Variants in TBK1 observed in about 807,000 individuals in gnomAD.
TBK1 encodes serine/threonine-protein kinase TBK1.
TBK1 carries 37 observed loss-of-function variants against 99.9 expected under a neutral mutation model. The ratio of observed to expected loss-of-function variants is 0.37; its 90% CI spans 0.28 to 0.49. The LOEUF is 0.49. Among genes scored for constraint, TBK1 ranks in the 20% least tolerant of loss-of-function variants. The pLI, the probability that TBK1 is intolerant of heterozygous loss-of-function variation, is 0.98. For missense variants in TBK1, 644 were observed against 872.5 expected (o/e 0.74, Z 3.30); for synonymous variants, 258 against 279.8 (o/e 0.92, Z 0.78).
chr12:64,489,654 C>T (rs564746397), intron 12 of TBK1, among the ~76,000 whole-genome samples: 53 of 151,050 alleles, frequency 3.5e-4, no homozygotes, highest in Non-Finnish European at 6.8e-4. Flanking sequence ...CTGCAACCTC[C>T]GCCTCCCAGG....
intron 11 of TBK1, 74 bp from the exon 12 acceptor site, chr12:64,488,413 C>CA: frequency 1.3e-6 from 1 of 769,970 alleles, no homozygotes; most frequent in Non-Finnish European, 2.1e-6. Context: ...AACTGTAGTA[C>CA]TGCAGTATAA....
At chr12:64,474,413 A>G in intron 6 of TBK1, 23 bp downstream of exon 6, 1 of 1,590,132 alleles carries the variant, frequency 6.3e-7, no homozygotes. Context: ...CCGATCTAAA[A>G]TCAGAGAAGC....
At chr12:64,471,170 TTTG>T (rs548911259) in intron 5 of TBK1, among the ~76,000 whole-genome samples, 176 of 152,202 alleles carry the variant, frequency 1.2e-3, no homozygotes, top group African/African-American at 3.4e-3. Context: ...GTTTTTTGTT[TTTG>T]TTGTTGTTGT....
rs908416438 is a variant in TBK1 at position 64,485,808 on chromosome 12, T to G, written c.1249-118T>G. On this transcript the variant is annotated intron_variant, in intron 10 of 20. Coordinates refer to ENST00000331710, the MANE Select transcript of TBK1 (RefSeq NM_013254.4). ...TTTTTAACTCTTAGAAATTGGTGGT[T>G]TATTGTGTTTTTAATTAACCTGATA... 84 of 621,094 alleles carry G rather than the reference T, an allele frequency of 1.4e-4. No individual in the cohort carries two copies. In the East Asian group the frequency reaches 2.2e-3, roughly 16 times the overall value. The allele number at this position is 621,094 out of a possible 1,614,324, so 38.5% of individuals were successfully genotyped here. A position where few individuals can be genotyped will look rare whatever the true frequency, so the allele number is the denominator to read the frequency against.
intron 5 of TBK1, among the ~76,000 whole-genome samples, chr12:64,469,027 C>A (rs979545350): frequency 3.9e-5 from 6 of 152,068 alleles, no homozygotes; most frequent in African/African-American, 1.4e-4. Flanking sequence ...CTCTCCCCTA[C>A]AACCTGTGTT....
intron 1 of TBK1, among the ~76,000 whole-genome samples, chr12:64,455,619 A>G (rs1331883974): frequency 2.6e-5 from 4 of 152,218 alleles, no homozygotes; most frequent in Non-Finnish European, 2.9e-5. Context: ...ATCTAACTTG[A>G]ATCATAATGG....
intron 5 of TBK1, among the ~76,000 whole-genome samples, chr12:64,467,769 A>G (rs2040621649): frequency 6.6e-6 from 1 of 152,210 alleles, no homozygotes; most frequent in Admixed American, 6.5e-5. Flanking sequence ...GATGAAAGAT[A>G]TCTACCACAC....
At chr12:64,496,097 C>G (rs2136087499) in intron 15 of TBK1, among the ~76,000 whole-genome samples, 1 of 152,122 alleles carries the variant, frequency 6.6e-6, no homozygotes, top group South Asian at 2.1e-4. Flanking sequence ...AAGGTATTGC[C>G]CAATCTTCCC....
intron 1 of TBK1, among the ~76,000 whole-genome samples, chr12:64,454,415 T>TTTTTTTTTTTC (rs1264065123): frequency 6.6e-6 from 1 of 151,606 alleles, no homozygotes; most frequent in Non-Finnish European, 1.5e-5. Context: ...CCTGGCTAAT[T>TTTTTTTTTTTC]TTTTTGTATT....
At chr12:64,454,296 G>A (rs543226412) in intron 1 of TBK1, among the ~76,000 whole-genome samples, 3 of 152,302 alleles carry the variant, frequency 2.0e-5, no homozygotes, top group Non-Finnish European at 2.9e-5. Context: ...ACCCTGGCTG[G>A]AGTGCAGTGG....
At chr12:64,494,850 A>T (rs1005849586) in intron 13 of TBK1, among the ~76,000 whole-genome samples, 7 of 152,252 alleles carry the variant, frequency 4.6e-5, no homozygotes, top group Non-Finnish European at 1.0e-4. Flanking sequence ...GCTACTACTG[A>T]CAACATTATT....
chr12:64,496,238 T>G, intron 15 of TBK1, 129 bp from the exon 16 acceptor site: 20 of 408,398 alleles, frequency 4.9e-5, no homozygotes, highest in East Asian at 8.4e-5. Flanking sequence ...AAGTAACCAA[T>G]GAGCCACAAA....
intron 13 of TBK1, among the ~76,000 whole-genome samples, chr12:64,493,241 T>C (rs1592374640): frequency 1.3e-5 from 2 of 152,014 alleles, no homozygotes; most frequent in South Asian, 4.2e-4. Flanking sequence ...AAAGTAAAAT[T>C]TATAAGTAGA....
chr12:64,473,158 A>G (rs1488231512), intron 5 of TBK1, among the ~76,000 whole-genome samples: 1 of 152,238 alleles, frequency 6.6e-6, no homozygotes, highest in Admixed American at 6.5e-5. Context: ...TGGGAAGACC[A>G]AGAGTCAATT....
In TBK1 at chr12:64,460,663, G is replaced by A. The variant is rs571987554; in HGVS notation, c.228+334G>A. On this transcript the variant is annotated intron_variant, in intron 3 of 20. Transcript: ENST00000331710. Reference sequence around the variant, plus strand: ...AGCCTGGCCAATGTGGTGAAACCCCGTCTCTACTAAAAATACAAAAATTAG... The same window carrying A: ...AGCCTGGCCAATGTGGTGAAACCCCATCTCTACTAAAAATACAAAAATTAG... 7.2e-5 allele frequency among the ~76,000 whole-genome samples: 11 copies of A among 151,746 alleles called. No individual in the cohort carries two copies. In the East Asian group the frequency reaches 1.7e-3, roughly 24 times the overall value.
At chr12:64,481,240 T>C (rs2040765034) in intron 7 of TBK1, among the ~76,000 whole-genome samples, 3 of 152,124 alleles carry the variant, frequency 2.0e-5, no homozygotes, top group Non-Finnish European at 4.4e-5. Flanking sequence ...TGCTGGTAAA[T>C]AATTATATTG....
At chr12:64,456,033 T>C in intron 2 of TBK1, 76 bp downstream of exon 2, 1 of 1,040,714 alleles carries the variant, frequency 9.6e-7, no homozygotes. Context: ...GACACTAAAG[T>C]GTGTGACTTG....
rs192784424 is a variant in TBK1, at chr12:64,460,788, C to T, written c.228+459C>T. 1.8e-4 allele frequency among the ~76,000 whole-genome samples: 26 copies of T among 147,756 alleles called. No homozygotes were observed. The East Asian group carries it at 3.5e-3, about 20-fold the overall frequency. The stretch of plus-strand genomic sequence containing the variant: ...GGCAGAGGTCACAGTGAGCTGAGAT[C>T]GCACCACTGCACTCCAGCCTGGCAA... On this transcript the variant is annotated intron_variant, in intron 3 of 20. Transcript: ENST00000331710.
intron 1 of TBK1, among the ~76,000 whole-genome samples, chr12:64,454,236 GT>G (rs993077771): frequency 1.3e-5 from 2 of 152,126 alleles, no homozygotes; most frequent in African/African-American, 4.8e-5. Flanking sequence ...AGAAATAGGT[GT>G]TGTTTTTGTT....
Sources: allele counts gnomAD v4.1 joint callset (sites outside exome capture counted in the v4.1 genomes callset), GRCh38; gene constraint gnomAD v4.1.1; transcripts MANE v1.5; gene names NCBI Gene and HGNC (gene_info 2026-07-23, HGNC 2026-07-21).